Variants in GPHN observed in about 807,000 individuals in gnomAD.
GPHN encodes the protein gephyrin.
Under a neutral mutation model 95.5 loss-of-function variants are expected in GPHN, and 17 were observed. The ratio of observed to expected loss-of-function variants is 0.18; its 90% CI spans 0.12 to 0.27. The LOEUF is 0.27. Among genes scored for constraint, GPHN ranks in the 10% least tolerant of loss-of-function variants. GPHN has a pLI of 1.00. For synonymous variants in GPHN, 320 were observed against 322.5 expected (o/e 0.99, Z 0.08); for missense variants, 660 against 978.1 (o/e 0.67, Z 4.34).
At chr14:66,549,230 CAG>C (rs1012624776) in intron 1 of GPHN, among the ~76,000 whole-genome samples, 1 of 151,960 alleles carries the variant, frequency 6.6e-6, no homozygotes, top group African/African-American at 2.4e-5. Flanking sequence ...TTGTGTGTCA[CAG>C]GGGGTTGGTG....
the GPHN span, among the ~76,000 whole-genome samples, chr14:67,549,625 C>T: frequency 6.6e-6 from 1 of 152,106 alleles, no homozygotes; most frequent in African/African-American, 2.4e-5. Context: ...TCCTGCTCAC[C>T]ATAGTATTTC....
At chr14:67,496,391 GTTTTTT>G in the GPHN span, among the ~76,000 whole-genome samples, 21 of 30,104 alleles carry the variant, frequency 7.0e-4, no homozygotes, top group East Asian at 0.023. Flanking sequence ...CTGCTCCGGC[GTTTTTT>G]TTTTTTTTTT....
At chr14:66,947,716 G>A (rs1216279848) in intron 8 of GPHN, among the ~76,000 whole-genome samples, 9 of 152,278 alleles carry the variant, frequency 5.9e-5, no homozygotes, top group African/African-American at 1.4e-4. Context: ...TCAGCCACTC[G>A]GGAGGCTGAG....
chr14:67,224,612 C>T, the GPHN span: 8 of 283,932 alleles, frequency 2.8e-5, no homozygotes, highest in Non-Finnish European at 5.5e-5. Context: ...GCTTTATTCT[C>T]CTTAACTTTT....
At chr14:66,962,044 G>A (rs1214471749) in intron 8 of GPHN, among the ~76,000 whole-genome samples, 1 of 148,726 alleles carries the variant, frequency 6.7e-6, no homozygotes, top group African/African-American at 2.4e-5. Flanking sequence ...AAACAATGCA[G>A]TTGTCTATCA....
intron 4 of GPHN, among the ~76,000 whole-genome samples, chr14:66,863,294 G>C (rs1212795759): frequency 6.7e-6 from 1 of 149,520 alleles, no homozygotes; most frequent in East Asian, 1.9e-4. Context: ...AATGAAAACT[G>C]TAAAACTGAT....
the GPHN span, among the ~76,000 whole-genome samples, chr14:67,686,441 C>T: frequency 2.0e-5 from 3 of 151,952 alleles, no homozygotes; most frequent in Admixed American, 6.6e-5. Flanking sequence ...GAGTTATAGA[C>T]CAGCCTGGGC....
In GPHN at chr14:66,922,854, G is replaced by A. The variant is rs2066291413; in HGVS notation, c.645G>A (p.Glu215=). The change falls in exon 7 of 23, where the codon GAG becomes GAA. Residue 215 remains glutamate, a synonymous_variant. Coordinates refer to ENST00000478722, the MANE Select transcript of GPHN (RefSeq NM_020806.5). ...ACAAAGGAGTTCAATGTGAGGAAGA[G>A]GAAGAAGAGAAGAAAGACAGTGGTG... ...TEDKGVQCEE[E]EEEKKDSGVA... is the part of the protein sequence containing the mutation. The A allele has an allele frequency of 1.2e-6, 2 of 1,613,514 alleles. No individual in the cohort carries two copies. Among genetic ancestry groups the A allele is most frequent in the Non-Finnish European group, 1.7e-6 (2 of 1,179,602 alleles).
chr14:67,692,995 A>G, the GPHN span: 10 of 1,614,030 alleles, frequency 6.2e-6, no homozygotes, highest in Admixed American at 1.7e-5. Flanking sequence ...CTGTGACCAC[A>G]ACTACTTTCC....
chr14:67,092,157 T>A (rs1430220478), intron 12 of GPHN, among the ~76,000 whole-genome samples: 1 of 152,120 alleles, frequency 6.6e-6, no homozygotes, highest in South Asian at 2.1e-4. Context: ...CACTTTTTTG[T>A]CTGTAATTCA....
At chr14:67,634,584 A>G in the GPHN span, among the ~76,000 whole-genome samples, 2 of 145,116 alleles carry the variant, frequency 1.4e-5, no homozygotes, top group Middle Eastern at 3.5e-3. Flanking sequence ...ACAGAACCAG[A>G]CCGTGTCTCC....
chr14:67,662,374 AG>A, the GPHN span: 18 of 1,061,790 alleles, frequency 1.7e-5, no homozygotes, highest in Non-Finnish European at 2.1e-5. Context: ...GTCAAAATCA[AG>A]ATCAATGGAC....
intron 1 of GPHN, among the ~76,000 whole-genome samples, chr14:66,584,990 G>A (rs1388610600): frequency 6.6e-6 from 1 of 151,966 alleles, no homozygotes; most frequent in Non-Finnish European, 1.5e-5. Context: ...TACCTCTGGT[G>A]GAATTTGGCT....
chr14:67,302,305 A>T, the GPHN span: 2 of 1,090,602 alleles, frequency 1.8e-6, no homozygotes, highest in African/African-American at 3.3e-5. Flanking sequence ...TCTTAAGATA[A>T]CTGAAGGTTA....
the GPHN span, chr14:67,386,162 A>C: frequency 6.6e-6 from 1 of 152,660 alleles, no homozygotes; most frequent in Non-Finnish European, 1.5e-5. Flanking sequence ...TTCAAAAGGC[A>C]AAACAAAAAA....
At chr14:66,686,529 A>G (rs936356480) in intron 2 of GPHN, among the ~76,000 whole-genome samples, 84 of 152,060 alleles carry the variant, frequency 5.5e-4, no homozygotes, top group African/African-American at 2.0e-3. Context: ...ATGGGAGTTC[A>G]CTCATGATTT....
intron 8 of GPHN, among the ~76,000 whole-genome samples, chr14:66,940,189 A>G (rs2067339487): frequency 6.6e-6 from 1 of 151,900 alleles, no homozygotes; most frequent in Non-Finnish European, 1.5e-5. Context: ...GTATGGAGAC[A>G]CAGTTACCTA....
intron 10 of GPHN, among the ~76,000 whole-genome samples, chr14:67,026,461 C>T (rs2073930697): frequency 6.6e-6 from 1 of 152,028 alleles, no homozygotes. Context: ...TGGTTCATCC[C>T]ACTTAATCCT....
At chr14:67,288,570 G>C in the GPHN span, among the ~76,000 whole-genome samples, 1 of 152,146 alleles carries the variant, frequency 6.6e-6, no homozygotes, top group Admixed American at 6.5e-5. Flanking sequence ...GTCCCCATAA[G>C]ATTGTAGCTT....
Sources: gnomAD v4.1 joint callset for allele counts (sites outside exome capture counted in the v4.1 genomes callset) on GRCh38, gnomAD v4.1.1 for gene constraint, MANE v1.5 for transcripts, NCBI Gene and HGNC (gene_info 2026-07-23, HGNC 2026-07-21) for gene names.